RGS22: variants seen among roughly 807,000 people sequenced by gnomAD.
The protein encoded by RGS22 is regulator of G-protein signaling 22.
RGS22 carries 148 observed loss-of-function variants against 172.9 expected under a neutral mutation model. The ratio of observed to expected loss-of-function variants is 0.86; its 90% CI spans 0.75 to 0.98. RGS22 has a LOEUF of 0.98. Ranked by LOEUF, RGS22 falls within the 50% of genes least tolerant of loss-of-function variation. The pLI is 0.00. For missense variants in RGS22, 1,347 were observed against 1,440.8 expected (o/e 0.93, Z 1.05); for synonymous variants, 458 against 480.2 (o/e 0.95, Z 0.60).
At chr8:100,077,951 C>T (rs1219952789) in intron 4 of RGS22, among the ~76,000 whole-genome samples, 1 of 152,256 alleles carries the variant, frequency 6.6e-6, no homozygotes, top group East Asian at 1.9e-4. Context: ...TTGACCCTCC[C>T]CCCTTTATCA....
chr8:100,091,310 A>G (rs896510929), intron 3 of RGS22, among the ~76,000 whole-genome samples: 1 of 151,432 alleles, frequency 6.6e-6, no homozygotes, highest in Admixed American at 6.6e-5. Context: ...AAAAAAAAAA[A>G]GAGGAGGTAA....
chr8:100,086,781 G>A lies in RGS22; in HGVS notation c.118-6426C>T, dbSNP rs150022024. Among the ~76,000 whole-genome samples the A allele has an allele frequency of 1.9e-3, 287 of 152,262 alleles. 1 individual carries two copies. Among genetic ancestry groups the A allele is most frequent in the African/African-American group, 6.2e-3 (259 of 41,572 alleles). ...GTATAACAAAATCTCTGGGGAAGGA[G>A]CTCAGCACTCTGAGTTTTAACAAGC... On this transcript the variant is annotated intron_variant, in intron 3 of 27. Transcript: ENST00000360863.
At chr8:99,977,883 A>C (rs1342902917) in intron 23 of RGS22, 34 bp downstream of exon 23, 2 of 1,523,748 alleles carry the variant, frequency 1.3e-6, no homozygotes, top group East Asian at 2.5e-5. Flanking sequence ...AACTTTTAAA[A>C]GTCTGATAAA....
At chr8:99,978,290 C>T (rs1006820658) in intron 22 of RGS22, among the ~76,000 whole-genome samples, 1 of 151,982 alleles carries the variant, frequency 6.6e-6, no homozygotes, top group Non-Finnish European at 1.5e-5. Flanking sequence ...AAAAAAAATA[C>T]ATTAAATACA....
chr8:100,073,731 A>G (rs971724190), intron 4 of RGS22, among the ~76,000 whole-genome samples: 1 of 152,246 alleles, frequency 6.6e-6, no homozygotes, highest in Non-Finnish European at 1.5e-5. Context: ...AAAGAATTCT[A>G]TAAGGTTGTC....
intron 14 of RGS22, among the ~76,000 whole-genome samples, chr8:100,009,055 T>C (rs1816063120): frequency 6.6e-6 from 1 of 152,134 alleles, no homozygotes; most frequent in African/African-American, 2.4e-5. Flanking sequence ...CTGTTGCTAA[T>C]TACCCCTTTC....
At chr8:100,002,158 G>C in intron 18 of RGS22, 44 bp downstream of exon 18, 1 of 1,418,396 alleles carries the variant, frequency 7.1e-7, no homozygotes, top group Non-Finnish European at 9.4e-7. Flanking sequence ...ATAAAATACC[G>C]GTTTTCAAAC....
chr8:100,021,901 C>G (rs953169165), intron 14 of RGS22, among the ~76,000 whole-genome samples: 1 of 152,094 alleles, frequency 6.6e-6, no homozygotes, highest in Admixed American at 6.6e-5. Context: ...GTTTTCATAA[C>G]CATTCACAGC....
chr8:100,077,745 C>G (rs753728996), intron 4 of RGS22, among the ~76,000 whole-genome samples: 5 of 152,140 alleles, frequency 3.3e-5, no homozygotes, highest in Non-Finnish European at 7.4e-5. Flanking sequence ...TACTTGGTTG[C>G]TAGTGTTTTT....
intron 14 of RGS22, among the ~76,000 whole-genome samples, chr8:100,029,505 C>G (rs566199024): frequency 7.2e-5 from 11 of 152,008 alleles, no homozygotes; most frequent in African/African-American, 2.4e-4. Flanking sequence ...AGTTCAAGAC[C>G]AGCCTGACCA....
At chr8:99,974,858 G>A (rs1219021639) in intron 23 of RGS22, among the ~76,000 whole-genome samples, 2 of 150,830 alleles carry the variant, frequency 1.3e-5, no homozygotes, top group African/African-American at 4.9e-5. Context: ...ATTAAAAAAA[G>A]TCTTAAAGGC....
chr8:100,099,998 G>C (rs958372957), intron 2 of RGS22, among the ~76,000 whole-genome samples: 1 of 152,136 alleles, frequency 6.6e-6, no homozygotes, highest in African/African-American at 2.4e-5. Context: ...CCACCAAGTG[G>C]TCATTAATTG....
chr8:100,034,441 A>T (rs1044676879), intron 14 of RGS22, among the ~76,000 whole-genome samples: 7 of 152,212 alleles, frequency 4.6e-5, no homozygotes, highest in African/African-American at 1.7e-4. Context: ...GAGAACTATA[A>T]ATCACTGCTC....
intron 19 of RGS22, among the ~76,000 whole-genome samples, chr8:99,997,274 G>T (rs1474217173): frequency 3.3e-5 from 5 of 152,142 alleles, no homozygotes; most frequent in Non-Finnish European, 7.4e-5. Context: ...GCCACCTAAA[G>T]AATGCTAAGT....
intron 24 of RGS22, among the ~76,000 whole-genome samples, chr8:99,964,771 G>C (rs1014079449): frequency 2.6e-5 from 4 of 152,102 alleles, no homozygotes; most frequent in African/African-American, 9.7e-5. Context: ...ATTGTTTCTT[G>C]AGTTAGTATT....
intron 3 of RGS22, among the ~76,000 whole-genome samples, chr8:100,083,910 C>T (rs1397293897): frequency 2.7e-5 from 4 of 148,076 alleles, no homozygotes; most frequent in Non-Finnish European, 4.4e-5. Flanking sequence ...AGTGCAGTGG[C>T]GCGATCTTGG....
At chr8:99,986,881 G>GA (rs1402465638) in intron 21 of RGS22, among the ~76,000 whole-genome samples, 2 of 151,678 alleles carry the variant, frequency 1.3e-5, no homozygotes, top group East Asian at 3.9e-4. Flanking sequence ...ACATTGTTAG[G>GA]AAAAAAATAT....
At chr8:99,990,624 G>A (rs1813617918) in intron 20 of RGS22, among the ~76,000 whole-genome samples, 1 of 152,116 alleles carries the variant, frequency 6.6e-6, no homozygotes. Context: ...GCTGTACTAT[G>A]ATGTGAAAAT....
intron 2 of RGS22, 78 bp from the exon 3 acceptor site, chr8:100,093,587 T>A (rs1812751094): frequency 1.4e-5 from 13 of 948,424 alleles, no homozygotes; most frequent in Non-Finnish European, 2.1e-5. Context: ...CTATTTCTGC[T>A]ACGAATTTAT....
Sources: allele counts gnomAD v4.1 joint callset (sites outside exome capture counted in the v4.1 genomes callset), GRCh38; gene constraint gnomAD v4.1.1; transcripts MANE v1.5; gene names NCBI Gene and HGNC (gene_info 2026-07-23, HGNC 2026-07-21).